PTPRD: variants seen among roughly 807,000 people sequenced by gnomAD.
PTPRD encodes receptor-type tyrosine-protein phosphatase delta.
A neutral mutation model predicts 214.5 loss-of-function variants in PTPRD; 34 were observed. That is an observed-to-expected ratio of 0.16 (90% CI 0.12 to 0.21). The LOEUF (loss-of-function observed/expected upper bound fraction) is 0.21. Ranked by LOEUF, PTPRD falls within the 10% of genes least tolerant of loss-of-function variation. The pLI is 1.00. For missense variants in PTPRD, 2,545 were observed against 2,398.7 expected (o/e 1.06, Z -1.27); for synonymous variants, 1,128 against 845.7 (o/e 1.33, Z -5.79).
At chr9:9,317,703 A>C (rs1011337240) in intron 9 of PTPRD, among the ~76,000 whole-genome samples, 1 of 151,964 alleles carries the variant, frequency 6.6e-6, no homozygotes, top group Non-Finnish European at 1.5e-5. Flanking sequence ...TCCTTTAATA[A>C]TTTTTCTATG....
chr9:10,582,247 G>T (rs1028127041), intron 2 of PTPRD, among the ~76,000 whole-genome samples: 1 of 152,096 alleles, frequency 6.6e-6, no homozygotes, highest in East Asian at 1.9e-4. Flanking sequence ...ATCAGTTTTT[G>T]ATCAATAAAG....
intron 4 of PTPRD, among the ~76,000 whole-genome samples, chr9:10,020,128 T>A (rs1046924653): frequency 6.6e-6 from 1 of 152,152 alleles, no homozygotes; most frequent in East Asian, 1.9e-4. Flanking sequence ...TTATTATTAA[T>A]AAGAATACTA....
intron 9 of PTPRD, among the ~76,000 whole-genome samples, chr9:9,382,388 G>T (rs1204224161): frequency 2.6e-5 from 4 of 152,014 alleles, no homozygotes; most frequent in Non-Finnish European, 5.9e-5. Context: ...AATTAAAAAG[G>T]TCATCTACGA....
intron 2 of PTPRD, among the ~76,000 whole-genome samples, chr9:10,506,406 T>C (rs147058934): frequency 7.2e-5 from 11 of 152,252 alleles, no homozygotes; most frequent in African/African-American, 2.6e-4. Flanking sequence ...AGTTTTTCCA[T>C]TAATGTACTT....
At chr9:8,346,417 C>G (rs1229351025) in intron 39 of PTPRD, among the ~76,000 whole-genome samples, 1 of 152,116 alleles carries the variant, frequency 6.6e-6, no homozygotes, top group Non-Finnish European at 1.5e-5. Flanking sequence ...GTGGTTTTGA[C>G]TTTCTGCAAT....
intron 10 of PTPRD, among the ~76,000 whole-genome samples, chr9:9,148,297 G>T (rs1042267524): frequency 2.0e-5 from 3 of 152,040 alleles, no homozygotes; most frequent in African/African-American, 7.3e-5. Context: ...TTTTTTGGAA[G>T]CTGAATCTCA....
intron 8 of PTPRD, among the ~76,000 whole-genome samples, chr9:9,565,659 T>G (rs1591722422): frequency 6.6e-6 from 1 of 151,994 alleles, no homozygotes; most frequent in South Asian, 2.1e-4. Context: ...GGTACCTTTA[T>G]TTTTTAAATC....
intron 11 of PTPRD, among the ~76,000 whole-genome samples, chr9:8,804,592 T>A (rs563427267): frequency 6.6e-6 from 1 of 152,124 alleles, no homozygotes; most frequent in African/African-American, 2.4e-5. Context: ...AGAGACACTC[T>A]GTCTCCAAAA....
chr9:8,547,976 G>C (rs1269228993), intron 14 of PTPRD, among the ~76,000 whole-genome samples: 5 of 152,136 alleles, frequency 3.3e-5, no homozygotes, highest in Non-Finnish European at 7.3e-5. Flanking sequence ...TCCCTTAAAA[G>C]TTGTACCATG....
At chr9:8,866,379 G>A (rs1422612806) in intron 11 of PTPRD, among the ~76,000 whole-genome samples, 3 of 151,970 alleles carry the variant, frequency 2.0e-5, no homozygotes, top group Non-Finnish European at 4.4e-5. Flanking sequence ...TATCTCTACT[G>A]TTCTCTGGAC....
At chr9:9,112,155 C>A (rs1043021334) in intron 10 of PTPRD, among the ~76,000 whole-genome samples, 7 of 152,150 alleles carry the variant, frequency 4.6e-5, no homozygotes, top group African/African-American at 1.7e-4. Flanking sequence ...TTGTAGCTGG[C>A]ACTGATCCTT....
intron 11 of PTPRD, among the ~76,000 whole-genome samples, chr9:8,937,451 C>T (rs1351499471): frequency 6.6e-6 from 1 of 152,090 alleles, no homozygotes; most frequent in Non-Finnish European, 1.5e-5. Context: ...TCTAGTTCAC[C>T]CAGAAAGAAA....
chr9:10,100,049 G>C (rs944715464), intron 3 of PTPRD, among the ~76,000 whole-genome samples: 2 of 151,454 alleles, frequency 1.3e-5, no homozygotes, highest in African/African-American at 2.4e-5. Context: ...TATGCATATG[G>C]GTAAACCTTA....
At chr9:9,478,854 T>C (rs1447805666) in intron 8 of PTPRD, among the ~76,000 whole-genome samples, 2 of 152,218 alleles carry the variant, frequency 1.3e-5, no homozygotes, top group Non-Finnish European at 2.9e-5. Flanking sequence ...AGGGTGCAAG[T>C]GAGTTCCATC....
chr9:9,845,206 ATACTGC>A (rs1366200454), intron 5 of PTPRD, among the ~76,000 whole-genome samples: 3 of 139,438 alleles, frequency 2.2e-5, no homozygotes, highest in African/African-American at 8.2e-5. Context: ...AGCTATATAT[ATACTGC>A]TATATATATA....
chr9:10,041,671 A>G (rs2154142897), intron 3 of PTPRD, among the ~76,000 whole-genome samples: 1 of 152,106 alleles, frequency 6.6e-6, no homozygotes, highest in East Asian at 1.9e-4. Context: ...CAATGTTATG[A>G]AAATGTCACT....
At chr9:9,872,525 G>A (rs560917252) in intron 5 of PTPRD, among the ~76,000 whole-genome samples, 11 of 152,140 alleles carry the variant, frequency 7.2e-5, no homozygotes, top group East Asian at 3.9e-4. Context: ...TGCTTGAGCC[G>A]AGGATATCGA....
At chr9:10,338,805 T>C (rs2096888843) in intron 3 of PTPRD, among the ~76,000 whole-genome samples, 1 of 151,844 alleles carries the variant, frequency 6.6e-6, no homozygotes, top group South Asian at 2.1e-4. Flanking sequence ...AATACATATT[T>C]TTCTCTAAGA....
At chr9:9,472,678 G>A (rs1214153880) in intron 8 of PTPRD, among the ~76,000 whole-genome samples, 1 of 152,114 alleles carries the variant, frequency 6.6e-6, no homozygotes, top group East Asian at 1.9e-4. Flanking sequence ...TATAAAGCAG[G>A]TGTGTAAAAC....
Sources: allele counts gnomAD v4.1 joint callset (sites outside exome capture counted in the v4.1 genomes callset), GRCh38; gene constraint gnomAD v4.1.1; transcripts MANE v1.5; gene names NCBI Gene and HGNC (gene_info 2026-07-23, HGNC 2026-07-21).